Variants in ZSCAN5A observed in about 807,000 individuals in gnomAD.
ZSCAN5A encodes zinc finger and SCAN domain-containing protein 5A.
Under a neutral mutation model 23.7 loss-of-function variants are expected in ZSCAN5A, and 12 were observed. The observed-to-expected ratio is 0.51, with a 90% confidence interval of 0.32 to 0.82. The LOEUF is 0.82. Ranked by LOEUF, ZSCAN5A falls within the 40% of genes least tolerant of loss-of-function variation. ZSCAN5A has a pLI of 0.03. For synonymous variants in ZSCAN5A, 257 were observed against 239.9 expected (o/e 1.07, Z -0.66); for missense variants, 597 against 617.9 (o/e 0.97, Z 0.36).
At position 56,352,440 on chromosome 19, in the gene ZSCAN5A, C is replaced by T. The variant is rs968001416; in HGVS notation, c.-358+10795G>A. 9.9e-5 allele frequency among the ~76,000 whole-genome samples: 15 copies of T among 152,040 alleles called. No homozygotes were observed. The highest frequency in any genetic ancestry group is 2.7e-4 in the African/African-American group (11 of 41,390). ...AAGGGACTGATTATTGAAAGAATTT[C>T]GGTGAAAAAATAAACATTTATCCTT... On this transcript the variant is annotated intron_variant, in intron 2 of 6. Transcript: ENST00000587340. The surrounding 1 kb of genome is among the most constrained non-coding windows in gnomAD (Gnocchi z 4.2).
intron 2 of ZSCAN5A, chr19:56,322,385 G>C: frequency 1.4e-6 from 1 of 702,732 alleles, no homozygotes; most frequent in Non-Finnish European, 2.6e-6. Context: ...CAGCCGGCAG[G>C]CTTCCCTAGG....
intron 2 of ZSCAN5A, among the ~76,000 whole-genome samples, chr19:56,357,387 A>ACACGCAGTATACG (rs1276734838): frequency 6.7e-6 from 1 of 148,452 alleles, no homozygotes; most frequent in Non-Finnish European, 1.5e-5. Context: ...TTTTGTTGGT[A>ACACGCAGTATACG]CACGCAGTAT....
intron 2 of ZSCAN5A, among the ~76,000 whole-genome samples, chr19:56,269,952 T>C (rs1196151519): frequency 6.6e-6 from 1 of 152,098 alleles, no homozygotes; most frequent in Non-Finnish European, 1.5e-5. Flanking sequence ...TTTGTTATGG[T>C]AGCAAGAAGA....
chr19:56,268,900 G>A (rs1014618055), intron 2 of ZSCAN5A, among the ~76,000 whole-genome samples: 3 of 152,050 alleles, frequency 2.0e-5, no homozygotes, highest in Non-Finnish European at 2.9e-5. Flanking sequence ...TTTGTGTCTG[G>A]CTGCTTTTAC....
intron 2 of ZSCAN5A, among the ~76,000 whole-genome samples, chr19:56,276,980 T>TA (rs1267638525): frequency 6.6e-6 from 1 of 152,068 alleles, no homozygotes; most frequent in Non-Finnish European, 1.5e-5. Context: ...AATAAGCACA[T>TA]AAAAAGATGC....
chr19:56,343,972 C>G (rs2041613309), intron 2 of ZSCAN5A, among the ~76,000 whole-genome samples: 1 of 152,158 alleles, frequency 6.6e-6, no homozygotes, highest in Admixed American at 6.5e-5. Flanking sequence ...ATTTTATCTA[C>G]AAGTATTCAT....
chr19:56,252,132 T>C (rs754790777), intron 2 of ZSCAN5A, among the ~76,000 whole-genome samples: 6 of 152,182 alleles, frequency 3.9e-5, no homozygotes, highest in Non-Finnish European at 8.8e-5. Context: ...GCAGCACAAT[T>C]GGGTTTACCT....
intron 2 of ZSCAN5A, among the ~76,000 whole-genome samples, chr19:56,248,312 G>A (rs762512237): frequency 6.6e-6 from 1 of 152,010 alleles, no homozygotes; most frequent in Non-Finnish European, 1.5e-5. Flanking sequence ...CCAGGCTGCA[G>A]TGCAGTGGTG....
At chr19:56,340,365 A>C (rs543539878) in intron 2 of ZSCAN5A, among the ~76,000 whole-genome samples, 8 of 152,340 alleles carry the variant, frequency 5.3e-5, no homozygotes, top group Admixed American at 4.6e-4. Flanking sequence ...GGAATGAGAA[A>C]ACTGGAGGAA....
At chr19:56,284,646 C>A (rs1195220047) in intron 2 of ZSCAN5A, among the ~76,000 whole-genome samples, 6 of 151,630 alleles carry the variant, frequency 4.0e-5, no homozygotes, top group African/African-American at 1.5e-4. Context: ...TCCTGAGTAG[C>A]TGGGATTACA....
chr19:56,278,719 G>A lies in ZSCAN5A; in HGVS notation c.-128+34564C>T, dbSNP rs193089372. Among the ~76,000 whole-genome samples the A allele has an allele frequency of 2.2e-3, 333 of 152,310 alleles. 2 individuals carry two copies. The highest frequency in any genetic ancestry group is 1.3e-3 in the Non-Finnish European group (86 of 68,034). ...GTCTGAAGGCCTCAGAACCAAGGAAGCTGATGGATGGTCTAACTAACTCTC... is the reference window on the plus strand; with the variant it reads ...GTCTGAAGGCCTCAGAACCAAGGAAACTGATGGATGGTCTAACTAACTCTC... On this transcript the variant is annotated intron_variant, in intron 2 of 5. Transcript: ENST00000683990.
At position 56,356,243 on chromosome 19, in the gene ZSCAN5A, G is replaced by A. The variant is rs764600506; in HGVS notation, c.-358+6992C>T. On this transcript the variant is annotated intron_variant, in intron 2 of 6. Coordinates refer to the ZSCAN5A transcript ENST00000587340. Reference sequence around the variant, plus strand: ...GAGCACCTGGCTCAGTAGGACTAGCGTCCAGGAAAGTCTGAGCCCCGAACA... The same window carrying A: ...GAGCACCTGGCTCAGTAGGACTAGCATCCAGGAAAGTCTGAGCCCCGAACA... Among the ~76,000 whole-genome samples, 16 of 148,428 alleles carry A rather than the reference G, an allele frequency of 1.1e-4. 3 individuals are homozygous for A. Among genetic ancestry groups the A allele is most frequent in the African/African-American group, 3.0e-4 (12 of 39,370 alleles).
intron 2 of ZSCAN5A, chr19:56,284,179 C>T: frequency 1.0e-6 from 1 of 985,472 alleles, no homozygotes; most frequent in Non-Finnish European, 1.2e-6. Context: ...GCTGACTCTC[C>T]TGGATGGGCT....
At chr19:56,294,143 G>A (rs1397952455) in intron 2 of ZSCAN5A, among the ~76,000 whole-genome samples, 1 of 152,188 alleles carries the variant, frequency 6.6e-6, no homozygotes, top group South Asian at 2.1e-4. Context: ...GGGCCCACCA[G>A]GTGCCAAGCA....
chr19:56,269,430 G>A (rs908746225), intron 2 of ZSCAN5A, among the ~76,000 whole-genome samples: 1 of 152,196 alleles, frequency 6.6e-6, no homozygotes, highest in Non-Finnish European at 1.5e-5. Context: ...CAGAATAATT[G>A]TCCCTGAAGA....
At chr19:56,311,176 T>G (rs1272261296) in intron 2 of ZSCAN5A, among the ~76,000 whole-genome samples, 2 of 152,164 alleles carry the variant, frequency 1.3e-5, no homozygotes, top group East Asian at 1.9e-4. Context: ...CAGGCATGCT[T>G]GCAAAGCTAT....
intron 2 of ZSCAN5A, among the ~76,000 whole-genome samples, chr19:56,253,439 C>T (rs921865528): frequency 6.6e-6 from 1 of 152,080 alleles, no homozygotes; most frequent in Non-Finnish European, 1.5e-5. Flanking sequence ...GTGGCTTGTC[C>T]GCAGGATCAT....
intron 2 of ZSCAN5A, among the ~76,000 whole-genome samples, chr19:56,275,239 T>G (rs769067196): frequency 1.1e-4 from 17 of 152,334 alleles, no homozygotes; most frequent in South Asian, 8.3e-4. Flanking sequence ...CTCCAATTTT[T>G]GCCCATTAAT....
intron 2 of ZSCAN5A, among the ~76,000 whole-genome samples, chr19:56,260,277 C>A (rs1367175519): frequency 1.4e-5 from 2 of 142,836 alleles, no homozygotes; most frequent in Non-Finnish European, 3.0e-5. Context: ...TGCAATGGTG[C>A]GATCTCGGCT....
Sources: allele counts gnomAD v4.1 joint callset (sites outside exome capture counted in the v4.1 genomes callset), GRCh38; gene constraint gnomAD v4.1.1; non-coding constraint Gnocchi (gnomAD v3.1); transcripts MANE v1.5; gene names NCBI Gene and HGNC (gene_info 2026-07-23, HGNC 2026-07-21).